KCNIP4: variants seen among roughly 807,000 people sequenced by gnomAD.
KCNIP4 encodes the protein Kv channel-interacting protein 4.
A neutral mutation model predicts 34.0 loss-of-function variants in KCNIP4; 12 were observed. The observed-to-expected ratio is 0.35, with a 90% CI of 0.23 to 0.57. KCNIP4 has a LOEUF of 0.57. Ranked by LOEUF, KCNIP4 falls within the 20% of genes least tolerant of loss-of-function variation. KCNIP4 has a pLI of 0.83. For missense variants in KCNIP4, 238 were observed against 311.7 expected, an observed-to-expected ratio of 0.76 and a Z score of 1.78; for synonymous variants, 124 against 102.2, an observed-to-expected ratio of 1.21 and a Z score of -1.29.
intron 1 of KCNIP4, among the ~76,000 whole-genome samples, chr4:21,170,461 TTAAATCACTGTATC>T (rs1471222338): frequency 6.6e-6 from 1 of 152,132 alleles, no homozygotes; most frequent in African/African-American, 2.4e-5. Context: ...TCAGCAAACA[TTAAATCACTGTATC>T]TAAATATGAA....
intron 1 of KCNIP4, among the ~76,000 whole-genome samples, chr4:21,193,330 G>A (rs1181960837): frequency 6.6e-6 from 1 of 152,108 alleles, no homozygotes; most frequent in Non-Finnish European, 1.5e-5. Context: ...AGGAGAAAAA[G>A]TAAAGCTTGC....
rs571376612 is a variant in KCNIP4 at position 21,651,853 on chromosome 4, C to T, written c.61+296718G>A. Among the ~76,000 whole-genome samples, 3 of 151,784 alleles carry T rather than the reference C, an allele frequency of 2.0e-5. No individual in the cohort carries two copies. In the South Asian group the frequency reaches 6.2e-4, roughly 32 times the overall value. On this transcript the variant is annotated intron_variant, in intron 1 of 8. Transcript: ENST00000382152. ...TGAACTTCATTTTATGTATATAGAG[C>T]TACAGATATATACATCTATGTATAT...
chr4:21,449,724 T>A (rs1728356344), intron 1 of KCNIP4, among the ~76,000 whole-genome samples: 2 of 151,916 alleles, frequency 1.3e-5, no homozygotes, highest in Admixed American at 1.3e-4. Flanking sequence ...GTGCAGCAAT[T>A]TTTTTATCTT....
chr4:20,942,096 G>A (rs966920388), intron 1 of KCNIP4, among the ~76,000 whole-genome samples: 2 of 152,168 alleles, frequency 1.3e-5, no homozygotes, highest in Admixed American at 1.3e-4. Context: ...ACAAACACTA[G>A]GAAGAAAGAC....
chr4:21,486,419 G>A (rs1282986661), intron 1 of KCNIP4, among the ~76,000 whole-genome samples: 1 of 152,118 alleles, frequency 6.6e-6, no homozygotes, highest in Non-Finnish European at 1.5e-5. Context: ...CCTAGAAGAT[G>A]AGATATAAGT....
chr4:21,609,428 C>T (rs558325733), intron 1 of KCNIP4, among the ~76,000 whole-genome samples: 40 of 152,276 alleles, frequency 2.6e-4, no homozygotes, highest in African/African-American at 9.1e-4. Context: ...ATCAATTCCT[C>T]ACTTCGCATG....
At chr4:21,394,728 A>G (rs1426530954) in intron 1 of KCNIP4, among the ~76,000 whole-genome samples, 1 of 152,118 alleles carries the variant, frequency 6.6e-6, no homozygotes, top group Non-Finnish European at 1.5e-5. Context: ...CCTGCTCCCT[A>G]TAGATCATCC....
intron 1 of KCNIP4, among the ~76,000 whole-genome samples, chr4:21,369,317 T>G (rs1720098799): frequency 6.8e-6 from 1 of 147,480 alleles, no homozygotes; most frequent in Non-Finnish European, 1.5e-5. Context: ...ATATAAAGAT[T>G]AATAAGATAT....
chr4:21,754,386 C>T (rs1484992767), intron 1 of KCNIP4, among the ~76,000 whole-genome samples: 1 of 152,150 alleles, frequency 6.6e-6, no homozygotes, highest in East Asian at 1.9e-4. Context: ...TAAAGTGTTT[C>T]AGGGCAGCCA....
At chr4:21,481,409 C>G (rs1176956636) in intron 1 of KCNIP4, among the ~76,000 whole-genome samples, 1 of 152,076 alleles carries the variant, frequency 6.6e-6, no homozygotes, top group Non-Finnish European at 1.5e-5. Context: ...GAAGACCCTT[C>G]CAGGACCAGA....
chr4:21,022,073 T>C (rs1740123064), intron 1 of KCNIP4, among the ~76,000 whole-genome samples: 1 of 152,046 alleles, frequency 6.6e-6, no homozygotes, highest in African/African-American at 2.4e-5. Flanking sequence ...TACAATTTCA[T>C]ATGTGATAGT....
chr4:21,131,288 C>T (rs1751049214), intron 1 of KCNIP4, among the ~76,000 whole-genome samples: 1 of 151,990 alleles, frequency 6.6e-6, no homozygotes, highest in Non-Finnish European at 1.5e-5. Context: ...ACATATGGAG[C>T]CAATCGCAAA....
At chr4:21,535,664 T>C (rs1228010785) in intron 1 of KCNIP4, among the ~76,000 whole-genome samples, 1 of 152,208 alleles carries the variant, frequency 6.6e-6, no homozygotes, top group Non-Finnish European at 1.5e-5. Flanking sequence ...GCTAGTTTCC[T>C]TAATCCTGCG....
chr4:21,552,691 T>C (rs1310318457), intron 1 of KCNIP4, among the ~76,000 whole-genome samples: 1 of 152,146 alleles, frequency 6.6e-6, no homozygotes, highest in Non-Finnish European at 1.5e-5. Context: ...TCTGTACTTG[T>C]CACAGCAAAG....
chr4:20,859,168 T>G (rs1210507898), intron 2 of KCNIP4, among the ~76,000 whole-genome samples: 1 of 152,098 alleles, frequency 6.6e-6, no homozygotes, highest in Non-Finnish European at 1.5e-5. Flanking sequence ...AAACACATGG[T>G]AGAATAAGGT....
At chr4:21,783,510 T>C (rs928184323) in intron 1 of KCNIP4, among the ~76,000 whole-genome samples, 1 of 152,102 alleles carries the variant, frequency 6.6e-6, no homozygotes, top group Admixed American at 6.6e-5. Flanking sequence ...TTGATCACAT[T>C]GAAAAATTAT....
intron 1 of KCNIP4, among the ~76,000 whole-genome samples, chr4:21,538,008 T>G (rs1737340558): frequency 3.0e-5 from 2 of 67,746 alleles, no homozygotes; most frequent in Non-Finnish European, 4.8e-5. Flanking sequence ...TGAGATTCCG[T>G]CTCAAAAAAA....
chr4:21,692,796 C>T (rs1251327098), intron 1 of KCNIP4, among the ~76,000 whole-genome samples: 1 of 149,678 alleles, frequency 6.7e-6, no homozygotes, highest in African/African-American at 2.5e-5. Context: ...CATGTCAGGG[C>T]CACTTGAACT....
chr4:21,074,494 CA>C (rs1298762557), intron 1 of KCNIP4, among the ~76,000 whole-genome samples: 2 of 152,088 alleles, frequency 1.3e-5, no homozygotes, highest in Admixed American at 1.3e-4. Flanking sequence ...TCCCCTTTAT[CA>C]TTTTTTATTG....
Sources: gnomAD v4.1 joint callset for allele counts (sites outside exome capture counted in the v4.1 genomes callset) on GRCh38, gnomAD v4.1.1 for gene constraint, MANE v1.5 for transcripts, NCBI Gene and HGNC (gene_info 2026-07-23, HGNC 2026-07-21) for gene names.